FSTL4: variants seen among roughly 807,000 people sequenced by gnomAD.
The protein encoded by FSTL4 is follistatin like 4.
A neutral mutation model predicts 78.2 loss-of-function variants in FSTL4; 28 were observed. That is an observed-to-expected ratio of 0.36 (90% confidence interval 0.27 to 0.49). The LOEUF (loss-of-function observed/expected upper bound fraction) is 0.49. Among genes scored for constraint, FSTL4 ranks in the 20% least tolerant of loss-of-function variants. FSTL4 has a pLI of 0.98. For missense variants in FSTL4, 922 were observed against 1,084.9 expected (o/e 0.85, Z 2.11); for synonymous variants, 422 against 440.5 (o/e 0.96, Z 0.53).
chr5:133,639,037 A>C, the FSTL4 span, among the ~76,000 whole-genome samples: 3 of 152,114 alleles, frequency 2.0e-5, no homozygotes, highest in South Asian at 6.2e-4. Flanking sequence ...ATTGGTATAC[A>C]TGTGCCATGG....
At chr5:133,591,769 G>A (rs1459015913) in intron 2 of FSTL4, among the ~76,000 whole-genome samples, 3 of 152,148 alleles carry the variant, frequency 2.0e-5, no homozygotes, top group Non-Finnish European at 2.9e-5. Flanking sequence ...AACAGGCAGA[G>A]GAGGGAGAAA....
chr5:133,488,616 T>C (rs1758187473), intron 3 of FSTL4, among the ~76,000 whole-genome samples: 1 of 152,236 alleles, frequency 6.6e-6, no homozygotes, highest in Non-Finnish European at 1.5e-5. Flanking sequence ...CTTTCATGTG[T>C]AGGGTAGAAA....
At chr5:133,811,168 G>GA in the FSTL4 span, among the ~76,000 whole-genome samples, 4 of 152,174 alleles carry the variant, frequency 2.6e-5, no homozygotes, top group Middle Eastern at 0.01. Flanking sequence ...TACTTTTGAA[G>GA]AAAAAACAAA....
chr5:133,433,342 A>C (rs1756977584), intron 3 of FSTL4, among the ~76,000 whole-genome samples: 1 of 152,242 alleles, frequency 6.6e-6, no homozygotes. Flanking sequence ...GGGAAGGATT[A>C]CCCACTAACT....
At chr5:133,605,405 G>A (rs1001388515) in intron 1 of FSTL4, among the ~76,000 whole-genome samples, 1 of 152,212 alleles carries the variant, frequency 6.6e-6, no homozygotes, top group Non-Finnish European at 1.5e-5. Flanking sequence ...GGTGCTTGAG[G>A]GACCTGGCAG....
At chr5:133,494,484 CAT>C (rs1473206292) in intron 3 of FSTL4, among the ~76,000 whole-genome samples, 4 of 152,120 alleles carry the variant, frequency 2.6e-5, no homozygotes, top group Non-Finnish European at 4.4e-5. Context: ...CCCCAGCAGA[CAT>C]TAACACAAAC....
chr5:133,550,071 C>G (rs1469175068), intron 3 of FSTL4, among the ~76,000 whole-genome samples: 1 of 152,142 alleles, frequency 6.6e-6, no homozygotes, highest in Admixed American at 6.5e-5. Flanking sequence ...CTGCATTGGG[C>G]AAATACTCTC....
chr5:133,374,865 T>C (rs538534603), intron 4 of FSTL4, among the ~76,000 whole-genome samples: 32 of 152,270 alleles, frequency 2.1e-4, no homozygotes, highest in Admixed American at 2.0e-3. Flanking sequence ...GAGAAATAAA[T>C]TTCTTTAAGC....
chr5:133,636,615 T>A, the FSTL4 span, among the ~76,000 whole-genome samples: 5 of 152,166 alleles, frequency 3.3e-5, no homozygotes, highest in Admixed American at 6.5e-5. Flanking sequence ...ACCTACCACT[T>A]AGGGGTTACT....
In FSTL4 at chr5:133,236,863, C is replaced by T. The variant is rs1751679503; in HGVS notation, c.895-3326G>A. On this transcript the variant is annotated intron_variant, in intron 7 of 15. Coordinates refer to ENST00000265342, the MANE Select transcript of FSTL4 (RefSeq NM_015082.2). This position sits in a 1 kb window ranked among gnomAD's most constrained non-coding sequence, Gnocchi z 5.0. Reference sequence around the variant, plus strand: ...CTTGGCGCCTCCTGTGGACGCACTGCTGTGCCGCCTGCTGCTTTCTGTACT... The same window carrying T: ...CTTGGCGCCTCCTGTGGACGCACTGTTGTGCCGCCTGCTGCTTTCTGTACT... Among the ~76,000 whole-genome samples, 1 of 152,216 alleles carries T rather than the reference C, an allele frequency of 6.6e-6. No individual in the cohort carries two copies. The highest frequency in any genetic ancestry group is 2.4e-5 in the African/African-American group (1 of 41,454).
intron 4 of FSTL4, among the ~76,000 whole-genome samples, chr5:133,345,033 A>G: frequency 1.4e-5 from 2 of 145,794 alleles, no homozygotes. Context: ...CAGTGGAACG[A>G]TCTCCACTCA....
chr5:133,625,390 A>G, the FSTL4 span, among the ~76,000 whole-genome samples: 9 of 151,536 alleles, frequency 5.9e-5, no homozygotes, highest in African/African-American at 2.2e-4. Flanking sequence ...TAGTTGTCAA[A>G]TTTGTGTGTA....
intron 4 of FSTL4, among the ~76,000 whole-genome samples, chr5:133,362,741 C>T (rs1197103775): frequency 6.6e-6 from 1 of 152,244 alleles, no homozygotes; most frequent in Non-Finnish European, 1.5e-5. Context: ...GGAGGTGCTT[C>T]CAGGCCTGGC....
intron 3 of FSTL4, among the ~76,000 whole-genome samples, chr5:133,542,628 G>C (rs955491071): frequency 1.3e-5 from 2 of 152,150 alleles, no homozygotes; most frequent in African/African-American, 4.8e-5. Flanking sequence ...TATATTTCTT[G>C]AATGATGCTA....
chr5:133,274,601 C>T (rs537812808), intron 6 of FSTL4, among the ~76,000 whole-genome samples: 1 of 152,176 alleles, frequency 6.6e-6, no homozygotes, highest in South Asian at 2.1e-4. Flanking sequence ...AGGGGCTGGT[C>T]CCGAGTGAGA....
At chr5:133,727,866 A>G in the FSTL4 span, among the ~76,000 whole-genome samples, 1 of 152,222 alleles carries the variant, frequency 6.6e-6, no homozygotes, top group African/African-American at 2.4e-5. Context: ...CAAGAGCACG[A>G]GGGCTGTTGC....
chr5:133,600,098 T>C (rs1041851899), intron 2 of FSTL4, among the ~76,000 whole-genome samples: 1 of 152,236 alleles, frequency 6.6e-6, no homozygotes, highest in Non-Finnish European at 1.5e-5. Flanking sequence ...ATGAGCATAG[T>C]ATGAAAATGA....
At chr5:133,818,682 A>G in the FSTL4 span, among the ~76,000 whole-genome samples, 1 of 151,674 alleles carries the variant, frequency 6.6e-6, no homozygotes, top group East Asian at 2.0e-4. Flanking sequence ...AGAGGGCTGC[A>G]AGCACTTTCC....
At chr5:133,685,345 G>A in the FSTL4 span, among the ~76,000 whole-genome samples, 2 of 152,194 alleles carry the variant, frequency 1.3e-5, no homozygotes, top group East Asian at 1.9e-4. Context: ...CATGACAGCT[G>A]ACATTGAGGC....
Sources: allele counts gnomAD v4.1 joint callset (sites outside exome capture counted in the v4.1 genomes callset), GRCh38; gene constraint gnomAD v4.1.1; non-coding constraint Gnocchi (gnomAD v3.1); transcripts MANE v1.5; gene names NCBI Gene and HGNC (gene_info 2026-07-23, HGNC 2026-07-21).